The following MBNL2 variants were observed in gnomAD, a reference collection of about 807,000 sequenced individuals.
MBNL2 encodes muscleblind-like protein 2.
In MBNL2, 17 loss-of-function variants were observed where a neutral mutation model predicts 41.9. That is an observed-to-expected ratio of 0.41 (90% CI 0.28 to 0.61). The LOEUF is 0.61. Ranked by LOEUF, MBNL2 falls within the 20% of genes least tolerant of loss-of-function variation. The probability of loss-of-function intolerance (pLI) is 0.35; values close to 1 mark genes in which losing one functional copy is unlikely to be tolerated. For missense variants in MBNL2, 336 were observed against 505.6 expected (o/e 0.66, Z 3.22); for synonymous variants, 195 against 182.9 (o/e 1.07, Z -0.53).
At position 97,294,187 on chromosome 13, in the gene MBNL2, C is replaced by T. The variant is rs569197309; in HGVS notation, c.174+17778C>T. On this transcript the variant is annotated intron_variant, in intron 2 of 8. Coordinates refer to ENST00000679496, the MANE Select transcript of MBNL2 (RefSeq NM_001382683.1). The stretch of plus-strand genomic sequence containing the variant: ...TGATATTTATATTATTTCTAGCTTA[C>T]GCTTCTGTATCTACCTTCCTTTATT... Among the ~76,000 whole-genome samples, 17 of 152,224 alleles carry T rather than the reference C, an allele frequency of 1.1e-4. 1 individual carries two copies. The highest frequency in any genetic ancestry group is 2.4e-4 in the African/African-American group (10 of 41,520).
intron 1 of MBNL2, among the ~76,000 whole-genome samples, chr13:97,271,480 A>G (rs1159511161): frequency 6.6e-6 from 1 of 152,062 alleles, no homozygotes; most frequent in Non-Finnish European, 1.5e-5. Context: ...ACAAAAAAAA[A>G]CAGGATACAT....
rs139487015 is a variant in MBNL2, at chr13:97,287,939, G to GTT, written c.174+11543_174+11544dup. ...TTCTGTTTTTTTTTTGTTTTGTTTT[G>GTT]TTTTTTTTTTTTTTAGTAGAGATGG... On this transcript the variant is annotated intron_variant, in intron 2 of 8. Transcript: ENST00000679496. Among the ~76,000 whole-genome samples, 421 of 114,014 alleles carry GTT rather than the reference G, an allele frequency of 3.7e-3. 3 individuals are homozygous for GTT. The highest frequency in any genetic ancestry group is 4.4e-3 in the African/African-American group (108 of 24,490). 74.8% of individuals were successfully genotyped at this position (114,014 alleles called of 152,430 possible).
chr13:97,254,036 C>T (rs1459659437), intron 1 of MBNL2, among the ~76,000 whole-genome samples: 8 of 152,090 alleles, frequency 5.3e-5, no homozygotes, highest in African/African-American at 1.7e-4. Context: ...ATTACAGTCA[C>T]GCACCACCAT....
intron 4 of MBNL2, among the ~76,000 whole-genome samples, chr13:97,344,776 A>G (rs562967262): frequency 4.6e-5 from 7 of 152,330 alleles, no homozygotes; most frequent in Admixed American, 3.9e-4. Flanking sequence ...TACTTTAGAA[A>G]ACAAATTAAA....
chr13:97,290,388 C>G (rs984056986), intron 2 of MBNL2, among the ~76,000 whole-genome samples: 3 of 152,108 alleles, frequency 2.0e-5, no homozygotes, highest in Non-Finnish European at 2.9e-5. Context: ...CAGAAACAGC[C>G]CTCCTTGGCC....
chr13:97,384,550 G>T (rs552833991), intron 8 of MBNL2, among the ~76,000 whole-genome samples: 2 of 152,262 alleles, frequency 1.3e-5, no homozygotes, highest in Non-Finnish European at 2.9e-5. Context: ...ATATTAAATG[G>T]TGCACAGACT....
intron 5 of MBNL2, among the ~76,000 whole-genome samples, chr13:97,354,762 G>T (rs1268528654): frequency 6.6e-6 from 1 of 152,152 alleles, no homozygotes; most frequent in East Asian, 1.9e-4. Flanking sequence ...TCAGCCTTTA[G>T]AGACATAATC....
rs758276528 is a variant in MBNL2, at chr13:97,347,022, A to G, written c.759A>G (p.Gln253=). The change falls in exon 5 of 9, where the codon CAA becomes CAG. Residue 253 remains glutamine, a synonymous_variant. Coordinates refer to ENST00000679496, the MANE Select transcript of MBNL2 (RefSeq NM_001382683.1). ...AAGCTGCGCAGCACCAAGCCAACCA[A>G]GCTGCGGTGGCCGCCCAGGCAGCCG... ...KIKAAQHQAN[Q]AAVAAQAAAA... 42 of 1,612,322 alleles carry G rather than the reference A, an allele frequency of 2.6e-5. No homozygotes were observed. The highest frequency in any genetic ancestry group is 3.2e-5 in the Non-Finnish European group (38 of 1,179,162).
chr13:97,311,898 C>CCCCACATT (rs1374962628), intron 2 of MBNL2, among the ~76,000 whole-genome samples: 1 of 152,308 alleles, frequency 6.6e-6, no homozygotes, highest in East Asian at 1.9e-4. Flanking sequence ...GTATAACCTG[C>CCCCACATT]CCCACATTCC....
the MBNL2 span, among the ~76,000 whole-genome samples, chr13:97,150,363 G>A: frequency 2.6e-5 from 4 of 152,154 alleles, no homozygotes; most frequent in Non-Finnish European, 5.9e-5. Context: ...TTTCTCAATT[G>A]CCAAGTACAT....
At chr13:97,332,831 T>C (rs2060540098) in intron 2 of MBNL2, among the ~76,000 whole-genome samples, 1 of 152,236 alleles carries the variant, frequency 6.6e-6, no homozygotes, top group Non-Finnish European at 1.5e-5. Flanking sequence ...CTATTCCCTT[T>C]GGTGTCCTTG....
chr13:97,312,383 T>G (rs978609044), intron 2 of MBNL2, among the ~76,000 whole-genome samples: 2 of 152,252 alleles, frequency 1.3e-5, no homozygotes, highest in African/African-American at 4.8e-5. Flanking sequence ...GTACTTTTCC[T>G]TATTTCATGT....
intron 1 of MBNL2, among the ~76,000 whole-genome samples, chr13:97,238,835 G>T (rs1243605415): frequency 6.6e-6 from 1 of 152,174 alleles, no homozygotes; most frequent in Non-Finnish European, 1.5e-5. Flanking sequence ...GAGGCTGCCT[G>T]CTGGGGATTC....
Position 97,287,795 on chromosome 13 carries a change from G to A in MBNL2, c.174+11386G>A, listed in dbSNP as rs1335890396. Among the ~76,000 whole-genome samples the A allele has an allele frequency of 2.9e-5, 4 of 137,128 alleles. No homozygotes were observed. The South Asian group carries it at 9.5e-4, about 33-fold the overall frequency. The allele number at this position is 137,128 out of a possible 152,430, so 90.0% of individuals were successfully genotyped here. On this transcript the variant is annotated intron_variant, in intron 2 of 8. Transcript: ENST00000679496. ...GGCTGGAGTGCAGTGGCATGATCTC[G>A]GCTCACTGCAACCTCCGCCTCCTGG...
chr13:97,218,440 C>CAAAACAAAAAAAAAAAAAAA (rs55815508), upstream of MBNL2, among the ~76,000 whole-genome samples: 1 of 117,970 alleles, frequency 8.5e-6, no homozygotes, highest in Non-Finnish European at 1.7e-5. Context: ...CAAAACAAAA[C>CAAAACAAAAAAAAAAAAAAA]AAAAAAAAAA....
In MBNL2 at chr13:97,270,121, T is replaced by A. The variant is rs1177823021; in HGVS notation, c.-604-5511T>A. On this transcript the variant is annotated intron_variant, in intron 1 of 8. Coordinates refer to ENST00000679496, the MANE Select transcript of MBNL2 (RefSeq NM_001382683.1). Reference sequence around the variant, plus strand: ...TGGCAAAGTGAAGGCTGGAAGCTAGTTCTTAGGACTTTCTATCACCCTGGA... The same window carrying A: ...TGGCAAAGTGAAGGCTGGAAGCTAGATCTTAGGACTTTCTATCACCCTGGA... 2.6e-5 allele frequency among the ~76,000 whole-genome samples: 4 copies of A among 152,288 alleles called. No individual in the cohort carries two copies. The South Asian group carries it at 8.3e-4, about 32-fold the overall frequency.
At chr13:97,281,460 C>T (rs748403950) in intron 2 of MBNL2, among the ~76,000 whole-genome samples, 1 of 152,186 alleles carries the variant, frequency 6.6e-6, no homozygotes, top group Non-Finnish European at 1.5e-5. Flanking sequence ...GCATATGATG[C>T]AGAAACTACT....
At chr13:97,301,865 A>C (rs2057658022) in intron 2 of MBNL2, among the ~76,000 whole-genome samples, 1 of 152,232 alleles carries the variant, frequency 6.6e-6, no homozygotes, top group African/African-American at 2.4e-5. Context: ...TGGGTGACTT[A>C]TGGTCACTAG....
In MBNL2 at chr13:97,391,401, A is replaced by G. The variant is rs747787123; in HGVS notation, c.1128A>G (p.Thr376=). ...GAATAACTAAACATTGTTACTGTAC[A>G]TACTATCCTGTTTCCTCCTCAATAG... The part of the protein sequence containing the change: ...ALRITKHCYC[T]YYPVSSSIEL... The change falls in exon 9 of 9, where the codon ACA becomes ACG. Residue 376 remains threonine (T), a synonymous_variant. Coordinates refer to ENST00000679496, the MANE Select transcript of MBNL2 (RefSeq NM_001382683.1). 6.4e-7 allele frequency: 1 copy of G among 1,573,434 alleles called. No homozygotes were observed. The highest frequency in any genetic ancestry group is 8.7e-7 in the Non-Finnish European group (1 of 1,143,268).
Sources: gnomAD v4.1 joint callset for allele counts (sites outside exome capture counted in the v4.1 genomes callset) on GRCh38, gnomAD v4.1.1 for gene constraint, MANE v1.5 for transcripts, NCBI Gene and HGNC (gene_info 2026-07-23, HGNC 2026-07-21) for gene names.